TLK1: variants seen among roughly 807,000 people sequenced by gnomAD.
The protein encoded by TLK1 is serine/threonine-protein kinase tousled-like 1.
In TLK1, 24 loss-of-function variants were observed where a neutral mutation model predicts 105.3. That is an observed-to-expected ratio of 0.23 (90% CI 0.17 to 0.32). The LOEUF is 0.32. Among genes scored for constraint, TLK1 ranks in the 10% least tolerant of loss-of-function variants. The pLI is 1.00. For missense variants in TLK1, 558 were observed against 910.5 expected, an observed-to-expected ratio of 0.61 and a Z score of 4.98; for synonymous variants, 321 against 310.4, an observed-to-expected ratio of 1.03 and a Z score of -0.36.
At chr2:170,997,412 T>C (rs1369372364) in intron 19 of TLK1, among the ~76,000 whole-genome samples, 3 of 152,064 alleles carry the variant, frequency 2.0e-5, no homozygotes, top group African/African-American at 7.2e-5. Flanking sequence ...GTCAAGTGAA[T>C]GGTGGATAAT....
At chr2:171,142,310 G>C (rs1234652633) in intron 1 of TLK1, among the ~76,000 whole-genome samples, 1 of 152,114 alleles carries the variant, frequency 6.6e-6, no homozygotes, top group Non-Finnish European at 1.5e-5. Flanking sequence ...ATATCAGCAA[G>C]TATATTAAAT....
intron 1 of TLK1, among the ~76,000 whole-genome samples, chr2:171,120,415 C>A (rs1196043049): frequency 1.3e-5 from 2 of 151,704 alleles, no homozygotes. Flanking sequence ...GGATTGATAT[C>A]CAGAATATAT....
rs1055778551 is a variant in TLK1, at chr2:171,212,281, C to A, written c.-6+18864G>T. On this transcript the variant is annotated intron_variant, in intron 1 of 20. Transcript: ENST00000521943. ...TGGCTCCCCTGCCCCCACCCTCACC[C>A]CTTGCCGCCCCCTCCTTCACCTCCC... Among the ~76,000 whole-genome samples, 3 of 147,212 alleles carry A rather than the reference C, an allele frequency of 2.0e-5. No individual in the cohort carries two copies. In the Admixed American group the frequency reaches 2.1e-4, roughly 10 times the overall value.
intron 11 of TLK1, among the ~76,000 whole-genome samples, chr2:171,042,093 T>C (rs1178766342): frequency 1.3e-5 from 2 of 152,188 alleles, no homozygotes; most frequent in Non-Finnish European, 2.9e-5. Context: ...GGTCAACATA[T>C]GTAATAAAAT....
chr2:171,077,513 TCTC>T (rs1284630887), intron 3 of TLK1, among the ~76,000 whole-genome samples: 3 of 152,200 alleles, frequency 2.0e-5, no homozygotes, highest in Non-Finnish European at 4.4e-5. Flanking sequence ...CTTTCTAATT[TCTC>T]CTCAATTAAC....
intron 1 of TLK1, among the ~76,000 whole-genome samples, chr2:171,123,706 G>A (rs948574507): frequency 2.6e-5 from 4 of 152,208 alleles, no homozygotes; most frequent in South Asian, 4.2e-4. Flanking sequence ...AGCTACTCAG[G>A]AGGCTGAGGT....
rs71008747 is a variant in TLK1 at position 171,080,544 on chromosome 2, A to AAATAATAATAATAATAAT, written c.330+2219_330+2236dup. On this transcript the variant is annotated intron_variant, in intron 3 of 20. Coordinates refer to ENST00000431350, the MANE Select transcript of TLK1 (RefSeq NM_012290.5). ...ACTCCTTAAATGGAAAGATACACTA[A>AAATAATAATAATAATAAT]AATAATAATAATAATAATAATAATA... Among the ~76,000 whole-genome samples, 883 of 145,012 alleles carry AAATAATAATAATAATAAT rather than the reference A, an allele frequency of 6.1e-3. 7 individuals are homozygous for AAATAATAATAATAATAAT. Among genetic ancestry groups the AAATAATAATAATAATAAT allele is most frequent in the African/African-American group, 0.016 (640 of 39,582 alleles).
chr2:171,015,359 G>C (rs1575515707), intron 12 of TLK1, among the ~76,000 whole-genome samples: 1 of 150,780 alleles, frequency 6.6e-6, no homozygotes, highest in South Asian at 2.1e-4. Context: ...AGTTAAAAGA[G>C]GAAGAAAGAA....
At chr2:171,057,188 T>C (rs1687541816) in intron 5 of TLK1, among the ~76,000 whole-genome samples, 1 of 152,062 alleles carries the variant, frequency 6.6e-6, no homozygotes, top group South Asian at 2.1e-4. Context: ...CAAGTTCACA[T>C]ACGAAGGATG....
intron 1 of TLK1, among the ~76,000 whole-genome samples, chr2:171,221,651 T>C (rs577535149): frequency 6.6e-6 from 1 of 152,336 alleles, no homozygotes; most frequent in South Asian, 2.1e-4. Flanking sequence ...ACATTTATTT[T>C]CTCACAGTTC....
At chr2:171,175,738 T>C (rs1350148733) in intron 1 of TLK1, among the ~76,000 whole-genome samples, 1 of 152,200 alleles carries the variant, frequency 6.6e-6, no homozygotes, top group African/African-American at 2.4e-5. Context: ...CTTAAACCTC[T>C]GTCTTTATTT....
In TLK1 at chr2:171,059,887, G is replaced by A. The variant is rs184355494; in HGVS notation, c.406+1194C>T. On this transcript the variant is annotated intron_variant, in intron 4 of 20. Transcript: ENST00000431350. ...GCTGCCGCTGATCTGACAGGAGGCC[G>A]AGCTTAGGCGGTAATGCTCACTGGC... 4.5e-5 allele frequency: 47 copies of A among 1,049,218 alleles called. No homozygotes were observed. In the African/African-American group the frequency reaches 4.5e-4, roughly 10 times the overall value. The allele number at this position is 1,049,218 out of a possible 1,614,324, so 65.0% of individuals were successfully genotyped here. A position where few individuals can be genotyped will look rare whatever the true frequency, so the allele number is the denominator to read the frequency against.
At chr2:171,004,491 A>T (rs1684552888) in intron 18 of TLK1, among the ~76,000 whole-genome samples, 1 of 152,232 alleles carries the variant, frequency 6.6e-6, no homozygotes, top group African/African-American at 2.4e-5. Context: ...TGAGAAATAC[A>T]TTCCATGTTC....
intron 1 of TLK1, among the ~76,000 whole-genome samples, chr2:171,211,330 T>C (rs1693608747): frequency 6.6e-6 from 1 of 152,230 alleles, no homozygotes; most frequent in African/African-American, 2.4e-5. Flanking sequence ...CACCACGAAT[T>C]ATATCAAACC....
At chr2:171,084,784 A>T (rs1238624853) in intron 2 of TLK1, among the ~76,000 whole-genome samples, 1 of 152,192 alleles carries the variant, frequency 6.6e-6, no homozygotes, top group Non-Finnish European at 1.5e-5. Context: ...GACATGAAAC[A>T]ACTATATAAA....
intron 1 of TLK1, among the ~76,000 whole-genome samples, chr2:171,193,700 ATTTTTTTTTTTTTT>A (rs35175399): frequency 6.8e-4 from 44 of 64,632 alleles, no homozygotes; most frequent in African/African-American, 2.6e-3. Context: ...AGCGCCTGGC[ATTTTTTTTTTTTTT>A]TTTTTTTTTT....
At chr2:171,000,417 C>T (rs182425802) in intron 18 of TLK1, among the ~76,000 whole-genome samples, 60 of 150,178 alleles carry the variant, frequency 4.0e-4, no homozygotes, top group African/African-American at 1.3e-3. Context: ...GCTAATAGCC[C>T]ACTGTTGACT....
intron 1 of TLK1, among the ~76,000 whole-genome samples, chr2:171,122,232 G>A: frequency 6.6e-6 from 1 of 152,124 alleles, no homozygotes; most frequent in Middle Eastern, 3.2e-3. Flanking sequence ...CCAAAGTGCT[G>A]GGATTACAGG....
chr2:171,190,341 G>A (rs1693120967), intron 1 of TLK1, among the ~76,000 whole-genome samples: 1 of 152,178 alleles, frequency 6.6e-6, no homozygotes. Context: ...TGATGTGAGT[G>A]TACAGGCCTC....
Sources: gnomAD v4.1 joint callset for allele counts (sites outside exome capture counted in the v4.1 genomes callset) on GRCh38, gnomAD v4.1.1 for gene constraint, MANE v1.5 for transcripts, NCBI Gene and HGNC (gene_info 2026-07-23, HGNC 2026-07-21) for gene names.